Variants in PLA2G5 observed in about 807,000 individuals in gnomAD.
The protein encoded by PLA2G5 is phospholipase A2 group V.
Under a neutral mutation model 15.9 loss-of-function variants are expected in PLA2G5, and 12 were observed. The ratio of observed to expected loss-of-function variants is 0.76; its 90% confidence interval spans 0.48 to 1.23. PLA2G5 has a LOEUF of 1.23. Ranked by LOEUF, PLA2G5 falls within the 50% of genes most tolerant of loss-of-function variation. PLA2G5 has a pLI of 0.00. For synonymous variants in PLA2G5, 71 were observed against 71.4 expected, an observed-to-expected ratio of 0.99 and a Z score of 0.03; for missense variants, 169 against 177.1, an observed-to-expected ratio of 0.95 and a Z score of 0.26.
intron 1 of PLA2G5, among the ~76,000 whole-genome samples, chr1:20,074,779 G>A (rs531212545): frequency 2.6e-5 from 4 of 152,212 alleles, no homozygotes; most frequent in East Asian, 1.9e-4. Flanking sequence ...TAGCGCGTCC[G>A]TGCCTGGTGG....
intron 1 of PLA2G5, among the ~76,000 whole-genome samples, chr1:20,058,734 C>T (rs2014560379): frequency 6.6e-6 from 1 of 152,146 alleles, no homozygotes; most frequent in Admixed American, 6.5e-5. Context: ...GCAGCAGCTT[C>T]TCGATTTGAC....
chr1:20,081,902 A>G (rs925228715), intron 1 of PLA2G5, among the ~76,000 whole-genome samples: 1 of 151,854 alleles, frequency 6.6e-6, no homozygotes, highest in Non-Finnish European at 1.5e-5. Flanking sequence ...AATACAAAAA[A>G]TTAGCCAGGC....
intron 1 of PLA2G5, chr1:20,071,009 C>A (rs926402667): frequency 1.3e-5 from 2 of 152,244 alleles, no homozygotes; most frequent in Non-Finnish European, 2.9e-5. Context: ...CTCTCTCTCT[C>A]GCTTCCCTCT....
rs189548752 is a variant in PLA2G5 at position 20,058,284 on chromosome 1, G to A, written n.277-1348G>A. 9.2e-5 allele frequency among the ~76,000 whole-genome samples: 14 copies of A among 152,188 alleles called. No individual in the cohort carries two copies. The East Asian group carries it at 2.7e-3, about 29-fold the overall frequency. ...TTCTCCTGCAGTCCTCTCAGTTTTTGCCTCACGTATTTTGACACTCCGTTG... is the reference window on the plus strand; with the variant it reads ...TTCTCCTGCAGTCCTCTCAGTTTTTACCTCACGTATTTTGACACTCCGTTG... On this transcript the variant is annotated intron_variant and non_coding_transcript_variant, in intron 1 of 6. Coordinates refer to the PLA2G5 transcript ENST00000460175.
chr1:20,072,150 C>T (rs1305386086), intron 1 of PLA2G5, among the ~76,000 whole-genome samples: 3 of 152,048 alleles, frequency 2.0e-5, no homozygotes, highest in Admixed American at 6.6e-5. Context: ...CAACAGTCCC[C>T]GTCCCCATCC....
rs76363809 is a variant in PLA2G5 at position 20,070,221 on chromosome 1, G to A, written c.-255G>A. 524 of 985,490 alleles carry A rather than the reference G, an allele frequency of 5.3e-4. 1 individual carries two copies. In the African/African-American group the frequency reaches 8.6e-3, roughly 16 times the overall value. 61.0% of individuals were successfully genotyped at this position (985,490 alleles called of 1,614,324 possible). A position where few individuals can be genotyped will look rare whatever the true frequency, so the allele number is the denominator to read the frequency against. On this transcript the variant is annotated 5_prime_UTR_variant, in exon 1 of 5. Transcript: ENST00000375108. ...TCGGGGGCTGAGCAGGGTTCTACCC[G>A]GCTGGGTCCAGGCAGAAGTTTTTCC...
rs1225260023 is a variant in PLA2G5, at chr1:20,061,933, G to A, written n.337+2241G>A. Among the ~76,000 whole-genome samples, 4 of 152,218 alleles carry A rather than the reference G, an allele frequency of 2.6e-5. No homozygotes were observed. The South Asian group carries it at 8.3e-4, about 32-fold the overall frequency. On this transcript the variant is annotated intron_variant and non_coding_transcript_variant, in intron 2 of 6. Coordinates refer to the PLA2G5 transcript ENST00000460175. ...TGAAATGTAATTCCCAATATTGGAG[G>A]TGGAGCCTGGTGGGAGGTGTTCGGA...
chr1:20,064,459 C>T (rs1241894292), intron 2 of PLA2G5, among the ~76,000 whole-genome samples: 1 of 151,950 alleles, frequency 6.6e-6, no homozygotes, highest in African/African-American at 2.4e-5. Flanking sequence ...CCTGTAGTCC[C>T]AGCTACATGG....
chr1:20,029,897 C>T (rs187782301), intron 1 of PLA2G5, among the ~76,000 whole-genome samples: 22 of 152,302 alleles, frequency 1.4e-4, no homozygotes, highest in Admixed American at 1.1e-3. Context: ...GTTTGTGCTA[C>T]ACAGAAAGAA....
chr1:20,047,128 C>T (rs554694569), intron 1 of PLA2G5, among the ~76,000 whole-genome samples: 1 of 152,204 alleles, frequency 6.6e-6, no homozygotes, highest in African/African-American at 2.4e-5. Context: ...TCCTCAACAA[C>T]AATTAATTTG....
Position 20,036,964 on chromosome 1 carries a change from C to A in PLA2G5, n.276+8255C>A, listed in dbSNP as rs190489788. 3.5e-3 allele frequency among the ~76,000 whole-genome samples: 539 copies of A among 152,274 alleles called. 4 individuals carry two copies. Among genetic ancestry groups the A allele is most frequent in the African/African-American group, 0.011 (457 of 41,564 alleles). On this transcript the variant is annotated intron_variant and non_coding_transcript_variant, in intron 1 of 6. Transcript: ENST00000460175. Reference sequence around the variant, plus strand: ...ACAGGCACGAGCCACCACACCTGGCCTTTTAAAAATTTCTTTAAGTTGGTT... The same window carrying A: ...ACAGGCACGAGCCACCACACCTGGCATTTTAAAAATTTCTTTAAGTTGGTT...
At chr1:20,070,104 T>C (rs909294004), upstream of PLA2G5, 31 of 659,894 alleles carry the variant, frequency 4.7e-5, no homozygotes, top group South Asian at 6.7e-5. Flanking sequence ...TCCACCCGCA[T>C]TGGAATTCTC....
chr1:20,060,156 G>A (rs1302985160), intron 2 of PLA2G5, among the ~76,000 whole-genome samples: 1 of 151,704 alleles, frequency 6.6e-6, no homozygotes, highest in African/African-American at 2.4e-5. Context: ...CTCAACCTAC[G>A]GCACTGTAAA....
upstream of PLA2G5, among the ~76,000 whole-genome samples, chr1:20,067,894 G>A (rs1048746248): frequency 6.6e-6 from 1 of 152,132 alleles, no homozygotes; most frequent in Non-Finnish European, 1.5e-5. Context: ...TGAGGCAGGC[G>A]GATCTCCTGA....
At chr1:20,089,748 G>T in intron 3 of PLA2G5, 41 bp from the exon 4 acceptor site, 1 of 1,537,748 alleles carries the variant, frequency 6.5e-7, no homozygotes. Context: ...GGTCAGGAGG[G>T]CACCCCTCCC....
intron 1 of PLA2G5, among the ~76,000 whole-genome samples, chr1:20,077,513 G>A (rs1163434062): frequency 1.3e-5 from 2 of 151,976 alleles, no homozygotes; most frequent in Non-Finnish European, 2.9e-5. Flanking sequence ...TTGGGTTACA[G>A]AGGCGAAGCA....
chr1:20,033,772 A>T (rs2013096721), intron 1 of PLA2G5, among the ~76,000 whole-genome samples: 1 of 149,096 alleles, frequency 6.7e-6, no homozygotes, highest in African/African-American at 2.5e-5. Flanking sequence ...TTAAAAGGGC[A>T]TTTTTTTTTT....
Position 20,065,068 on chromosome 1 carries a change from C to T in PLA2G5, n.338-3805C>T, listed in dbSNP as rs139757217. On this transcript the variant is annotated intron_variant and non_coding_transcript_variant, in intron 2 of 6. Coordinates refer to the PLA2G5 transcript ENST00000460175. ...ATGCTTGCATTGTAATGAGAATGCA[C>T]GCAATAACTTCAGGACATTTATGAC... Among the ~76,000 whole-genome samples, 478 of 152,204 alleles carry T rather than the reference C, an allele frequency of 3.1e-3. 3 individuals carry two copies. Among genetic ancestry groups the T allele is most frequent in the African/African-American group, 0.01 (417 of 41,534 alleles).
At chr1:20,080,194 C>G (rs1303645671) in intron 1 of PLA2G5, among the ~76,000 whole-genome samples, 2 of 152,076 alleles carry the variant, frequency 1.3e-5, no homozygotes, top group Non-Finnish European at 2.9e-5. Context: ...GAGGGGGATT[C>G]CAGGGTTCCT....
Sources: gnomAD v4.1 joint callset for allele counts (sites outside exome capture counted in the v4.1 genomes callset) on GRCh38, gnomAD v4.1.1 for gene constraint, MANE v1.5 for transcripts, NCBI Gene and HGNC (gene_info 2026-07-23, HGNC 2026-07-21) for gene names.